Variants in B3GALNT2 observed in about 807,000 individuals in gnomAD.
B3GALNT2 encodes the protein UDP-GalNAc:beta-1,3-N-acetylgalactosaminyltransferase 2.
Under a neutral mutation model 61.1 loss-of-function variants are expected in B3GALNT2, and 53 were observed. The ratio of observed to expected loss-of-function variants is 0.87; its 90% CI spans 0.70 to 1.09. The LOEUF is 1.09. B3GALNT2 is among the 50% of genes least tolerant of loss of function. The probability of loss-of-function intolerance (pLI) is 0.00; values close to 1 mark genes in which losing one functional copy is unlikely to be tolerated. For synonymous variants in B3GALNT2, 223 were observed against 237.4 expected (o/e 0.94, Z 0.56); for missense variants, 544 against 623.0 (o/e 0.87, Z 1.35).
chr1:235,498,235 G>T (rs1685418159), intron 1 of B3GALNT2, among the ~76,000 whole-genome samples: 2 of 152,042 alleles, frequency 1.3e-5, no homozygotes, highest in South Asian at 4.1e-4. Context: ...TACCAATCTG[G>T]CTCTAAACTC....
chr1:235,448,487 G>C lies in B3GALNT2; in HGVS notation c.*1719C>G. 6.4e-7 allele frequency: 1 copy of C among 1,559,054 alleles called. No individual in the cohort carries two copies. Among genetic ancestry groups the C allele is most frequent in the Non-Finnish European group, 8.8e-7 (1 of 1,130,048 alleles). ...AAAGTCAAAGTCAAGCTTAGTCCTC[G>C]TATTATGACATTAAACTGTCTCTAG... On this transcript the variant is annotated 3_prime_UTR_variant, in exon 12 of 12. Transcript: ENST00000366600.
In B3GALNT2 at chr1:235,448,090, C is replaced by T. The variant is rs1441122283; in HGVS notation, c.*2116G>A. On this transcript the variant is annotated 3_prime_UTR_variant, in exon 12 of 12. Coordinates refer to ENST00000366600, the MANE Select transcript of B3GALNT2 (RefSeq NM_152490.5). The stretch of plus-strand genomic sequence containing the variant: ...TGGGTGTGGTGATGGGCACCAGCTA[C>T]TCAGGAGGCTGAGGCAGGAGAATTG... 6.6e-6 allele frequency among the ~76,000 whole-genome samples: 1 copy of T among 151,990 alleles called. No homozygotes were observed. Among genetic ancestry groups the T allele is most frequent in the South Asian group, 2.1e-4 (1 of 4,818 alleles).
Position 235,448,509 on chromosome 1 carries a change from C to A in B3GALNT2, c.*1697G>T. The A allele has an allele frequency of 6.7e-6, 10 of 1,495,308 alleles. No homozygotes were observed. In the South Asian group the frequency reaches 1.0e-4, roughly 15 times the overall value. 92.6% of individuals were successfully genotyped at this position (1,495,308 alleles called of 1,614,324 possible). A position where few individuals can be genotyped will look rare whatever the true frequency, so the allele number is the denominator to read the frequency against. On this transcript the variant is annotated 3_prime_UTR_variant, in exon 12 of 12. Coordinates refer to ENST00000366600, the MANE Select transcript of B3GALNT2 (RefSeq NM_152490.5). ...CTCGTATTATGACATTAAACTGTCT[C>A]TAGATAGCAACAGTTTGATTCTAAA...
chr1:235,453,055 T>A (rs1382978883), intron 11 of B3GALNT2, 35 bp downstream of exon 11: 22 of 1,562,692 alleles, frequency 1.4e-5, no homozygotes, highest in Non-Finnish European at 1.9e-5. Context: ...CCTCCTCAAC[T>A]CTTAAGAACC....
Position 235,458,588 on chromosome 1 carries a change from A to G in B3GALNT2, c.1025+15T>C, listed in dbSNP as rs1445379451. 1.9e-6 allele frequency: 3 copies of G among 1,566,230 alleles called. No individual in the cohort carries two copies. The African/African-American group carries it at 4.2e-5, about 22-fold the overall frequency. On this transcript the variant is annotated intron_variant, in intron 8 of 11. Coordinates refer to ENST00000366600, the MANE Select transcript of B3GALNT2 (RefSeq NM_152490.5). ...ATAAAACAAGTTCTAGCTACCCAAC[A>G]TTTTTACAACCTACCATCTATAGAA...
Position 235,448,988 on chromosome 1 carries a change from C to A in B3GALNT2, c.*1218G>T. 2.2e-6 allele frequency: 1 copy of A among 456,392 alleles called. No individual in the cohort carries two copies. Among genetic ancestry groups the A allele is most frequent in the African/African-American group, 2.0e-5 (1 of 50,522 alleles). The allele number at this position is 456,392 out of a possible 1,614,324, so 28.3% of individuals were successfully genotyped here. On this transcript the variant is annotated 3_prime_UTR_variant, in exon 12 of 12. Coordinates refer to ENST00000366600, the MANE Select transcript of B3GALNT2 (RefSeq NM_152490.5). ...TACTAATGATTTTCTGATCTTATTT[C>A]ATATTTATTTTTACAGCTCATCACT...
chr1:235,442,432 A>G (rs1449802590), downstream of B3GALNT2, among the ~76,000 whole-genome samples: 1 of 152,210 alleles, frequency 6.6e-6, no homozygotes, highest in Non-Finnish European at 1.5e-5. Flanking sequence ...GGCCTCCCAA[A>G]GTGCTAGGAT....
intron 5 of B3GALNT2, among the ~76,000 whole-genome samples, chr1:235,474,867 T>G (rs1318040619): frequency 6.8e-6 from 1 of 147,758 alleles, no homozygotes; most frequent in African/African-American, 2.5e-5. Context: ...GCTAGTGACT[T>G]AGGTGAACAA....
intron 5 of B3GALNT2, among the ~76,000 whole-genome samples, chr1:235,471,288 G>A (rs183382268): frequency 2.6e-5 from 4 of 152,258 alleles, no homozygotes; most frequent in East Asian, 3.9e-4. Flanking sequence ...ATCCCAATGA[G>A]CAGATACACC....
intron 2 of B3GALNT2, among the ~76,000 whole-genome samples, chr1:235,490,089 AC>A (rs1376040584): frequency 6.6e-6 from 1 of 151,954 alleles, no homozygotes; most frequent in Non-Finnish European, 1.5e-5. Flanking sequence ...CAGCTTGTCC[AC>A]TGAGAGTGGT....
intron 7 of B3GALNT2, among the ~76,000 whole-genome samples, chr1:235,462,219 G>T (rs1459351361): frequency 1.3e-5 from 2 of 152,194 alleles, no homozygotes; most frequent in Non-Finnish European, 2.9e-5. Flanking sequence ...TGTAACAACA[G>T]GAGTGCAGAA....
intron 3 of B3GALNT2, 34 bp from the exon 4 acceptor site, chr1:235,484,549 A>C: frequency 6.3e-7 from 1 of 1,589,468 alleles, no homozygotes; most frequent in East Asian, 2.3e-5. Flanking sequence ...ATAACTGAAC[A>C]AATGTAATCC....
At position 235,504,103 on chromosome 1, in the gene B3GALNT2, C is replaced by G. The variant is rs866235710; in HGVS notation, c.112+38G>C. 50 of 1,209,182 alleles carry G rather than the reference C, an allele frequency of 4.1e-5. No individual in the cohort carries two copies. In the African/African-American group the frequency reaches 4.3e-4, roughly 10 times the overall value. The allele number at this position is 1,209,182 out of a possible 1,614,324, so 74.9% of individuals were successfully genotyped here. On this transcript the variant is annotated intron_variant, in intron 1 of 11. Coordinates refer to ENST00000366600, the MANE Select transcript of B3GALNT2 (RefSeq NM_152490.5). ...GGCACCAAGCCGGGCCTCCCACCCC[C>G]CCGGCGGCCGCCAACCCGCCCGGCC...
chr1:235,454,076 T>G, intron 10 of B3GALNT2, 80 bp downstream of exon 10: 1 of 1,337,284 alleles, frequency 7.5e-7, no homozygotes, highest in Non-Finnish European at 1.0e-6. Context: ...TGGGCTCAAG[T>G]GATCTACCCG....
intron 4 of B3GALNT2, 77 bp from the exon 5 acceptor site, chr1:235,480,226 T>G: frequency 6.5e-7 from 1 of 1,549,152 alleles, no homozygotes; most frequent in Non-Finnish European, 8.7e-7. Context: ...TCAAACACCT[T>G]ACTTCTTGGT....
Position 235,458,767 on chromosome 1 carries a change from G to C in B3GALNT2, c.861C>G (p.His287Gln). Reference protein sequence around the residue: ...YTIQEGDALLHNLHSRPQRLI... With the variant: ...YTIQEGDALLQNLHSRPQRLI... Reference sequence around the variant, plus strand: ...GTCTTTGAGGGCGAGAATGAAGGTTGTGTAAGAGAGCATCACCTTCTATAA... The same window carrying C: ...GTCTTTGAGGGCGAGAATGAAGGTTCTGTAAGAGAGCATCACCTTCTATAA... Residue 287 changes from histidine (H) to glutamine (Q), a missense_variant, in exon 8 of 12, where the codon CAC becomes CAG. His to Gln is a conservative substitution (Grantham distance 24). Transcript: ENST00000366600. 2 of 1,592,130 alleles carry C rather than the reference G, an allele frequency of 1.3e-6. No individual in the cohort carries two copies. The highest frequency in any genetic ancestry group is 1.7e-6 in the Non-Finnish European group (2 of 1,172,932).
intron 7 of B3GALNT2, 94 bp from the exon 8 acceptor site, chr1:235,458,880 AC>A: frequency 8.7e-7 from 1 of 1,154,884 alleles, no homozygotes; most frequent in Non-Finnish European, 1.2e-6. Context: ...TCCCAAGGTA[AC>A]CCAGCAGAAA....
downstream of B3GALNT2, among the ~76,000 whole-genome samples, chr1:235,446,029 C>T (rs1415398277): frequency 2.0e-5 from 3 of 152,238 alleles, no homozygotes; most frequent in African/African-American, 4.8e-5. Flanking sequence ...CAGTCATACT[C>T]GCCGCTTTCC....
intron 1 of B3GALNT2, among the ~76,000 whole-genome samples, chr1:235,501,585 A>G (rs547372483): frequency 2.8e-4 from 42 of 152,342 alleles, no homozygotes; most frequent in Admixed American, 4.6e-4. Flanking sequence ...TTACTGCTGT[A>G]ATTCCACACC....
Sources: gnomAD v4.1 joint callset for allele counts (sites outside exome capture counted in the v4.1 genomes callset) on GRCh38, gnomAD v4.1.1 for gene constraint, MANE v1.5 for transcripts, NCBI Gene and HGNC (gene_info 2026-07-23, HGNC 2026-07-21) for gene names.